Variants in BMPER observed in about 807,000 individuals in gnomAD.
BMPER encodes the protein BMP-binding endothelial regulator protein.
In BMPER, 45 loss-of-function variants were observed where a neutral mutation model predicts 87.3. That is an observed-to-expected ratio of 0.52 (90% confidence interval 0.41 to 0.66). The LOEUF (loss-of-function observed/expected upper bound fraction) is 0.66, where lower values mean the gene tolerates loss of function less well. Ranked by LOEUF, BMPER falls within the 30% of genes least tolerant of loss-of-function variation. BMPER has a pLI of 0.00. For missense variants in BMPER, 784 were observed against 867.5 expected, an observed-to-expected ratio of 0.90 and a Z score of 1.21; for synonymous variants, 326 against 316.2, an observed-to-expected ratio of 1.03 and a Z score of -0.33.
At chr7:33,939,270 C>A (rs1784688192) in intron 3 of BMPER, among the ~76,000 whole-genome samples, 1 of 152,144 alleles carries the variant, frequency 6.6e-6, no homozygotes, top group African/African-American at 2.4e-5. Context: ...TTTATCACCA[C>A]CCTTTCCTCC....
intron 6 of BMPER, among the ~76,000 whole-genome samples, chr7:33,982,175 A>C (rs1425868705): frequency 6.6e-6 from 1 of 152,152 alleles, no homozygotes; most frequent in Non-Finnish European, 1.5e-5. Context: ...CTCCTTTGAC[A>C]TGGGGACTTG....
chr7:33,911,178 G>T (rs1046586923), intron 2 of BMPER, among the ~76,000 whole-genome samples: 3 of 152,206 alleles, frequency 2.0e-5, no homozygotes, highest in Non-Finnish European at 2.9e-5. Flanking sequence ...TGTTTAGAAG[G>T]TGATGTGACC....
chr7:34,069,174 C>G (rs1050384663), intron 11 of BMPER, among the ~76,000 whole-genome samples: 6 of 152,086 alleles, frequency 3.9e-5, no homozygotes, highest in African/African-American at 1.4e-4. Context: ...GTATGTGTGA[C>G]GGAAACTCCT....
intron 11 of BMPER, among the ~76,000 whole-genome samples, chr7:34,072,562 C>T (rs1052075959): frequency 1.3e-5 from 2 of 152,110 alleles, no homozygotes; most frequent in Non-Finnish European, 2.9e-5. Context: ...GCCCATGCAC[C>T]TGCCTTCCTC....
chr7:33,905,572 G>A lies in BMPER; in HGVS notation c.-42G>A, dbSNP rs574404371. The A allele has an allele frequency of 5.0e-6, 8 of 1,605,526 alleles. No individual in the cohort carries two copies. In the South Asian group the frequency reaches 7.7e-5, roughly 16 times the overall value. ...GCTGCGGCAGCTGAGCAGAGGCGGC[G>A]GCGCGGGACCTGCAGTCGCCAGGGA... On this transcript the variant is annotated 5_prime_UTR_variant, in exon 1 of 15. Coordinates refer to ENST00000649409, the MANE Select transcript of BMPER (RefSeq NM_001365308.1).
intron 13 of BMPER, among the ~76,000 whole-genome samples, chr7:34,099,491 G>A (rs1425303842): frequency 6.6e-6 from 1 of 151,974 alleles, no homozygotes; most frequent in Non-Finnish European, 1.5e-5. Context: ...TGACAAAATT[G>A]TCAAAATTAT....
chr7:33,981,894 C>G (rs1213976653), intron 6 of BMPER, among the ~76,000 whole-genome samples: 1 of 152,158 alleles, frequency 6.6e-6, no homozygotes, highest in African/African-American at 2.4e-5. Flanking sequence ...GAAAAGTGTT[C>G]CTAAGCCTCA....
intron 4 of BMPER, 150 bp from the exon 5 acceptor site, chr7:33,970,179 C>T: frequency 1.4e-6 from 1 of 733,518 alleles, no homozygotes; most frequent in Non-Finnish European, 2.5e-6. Flanking sequence ...CTGGATCTCA[C>T]CTCGTTGGTG....
At chr7:34,109,860 T>C (rs974941327) in intron 13 of BMPER, among the ~76,000 whole-genome samples, 1 of 152,222 alleles carries the variant, frequency 6.6e-6, no homozygotes, top group African/African-American at 2.4e-5. Context: ...TACCAATGGG[T>C]TAGTTCTATT....
intron 6 of BMPER, among the ~76,000 whole-genome samples, chr7:33,983,161 C>T (rs1198787550): frequency 6.6e-6 from 1 of 152,068 alleles, no homozygotes; most frequent in African/African-American, 2.4e-5. Context: ...AATAACTGTT[C>T]TATATTTTAA....
chr7:34,061,677 G>C (rs988811107), intron 10 of BMPER, among the ~76,000 whole-genome samples: 3 of 152,180 alleles, frequency 2.0e-5, no homozygotes, highest in African/African-American at 7.2e-5. Context: ...CTAGATTTGG[G>C]TATCAATGAA....
intron 6 of BMPER, among the ~76,000 whole-genome samples, chr7:33,998,616 G>T (rs755190944): frequency 6.6e-6 from 1 of 152,158 alleles, no homozygotes; most frequent in African/African-American, 2.4e-5. Context: ...AACCTCTCCC[G>T]TTCAGTTTCA....
intron 2 of BMPER, among the ~76,000 whole-genome samples, chr7:33,918,832 A>T (rs1042581045): frequency 6.7e-6 from 1 of 149,564 alleles, no homozygotes; most frequent in Non-Finnish European, 1.5e-5. Flanking sequence ...TAGCACATAG[A>T]TGAGTACCAG....
intron 13 of BMPER, among the ~76,000 whole-genome samples, chr7:34,119,034 A>ACACACACACACACACACACG (rs1562755801): frequency 6.6e-6 from 1 of 151,296 alleles, no homozygotes; most frequent in Non-Finnish European, 1.5e-5. Flanking sequence ...ACACACACAC[A>ACACACACACACACACACACG]CACGCACTCG....
chr7:34,001,065 T>C (rs1786568019), intron 6 of BMPER, among the ~76,000 whole-genome samples: 1 of 152,082 alleles, frequency 6.6e-6, no homozygotes, highest in African/African-American at 2.4e-5. Flanking sequence ...TTATATATTG[T>C]TGTACTCAAT....
rs200214350 is a variant in BMPER, at chr7:34,024,384, A to AAT, written c.577-21873_577-21872dup. On this transcript the variant is annotated intron_variant, in intron 6 of 14. Coordinates refer to ENST00000649409, the MANE Select transcript of BMPER (RefSeq NM_001365308.1). ...AAAAAAAAAAAAAAAAAAAAAAAAC[A>AAT]ATATATATATATATATATATATATA... Among the ~76,000 whole-genome samples the AAT allele has an allele frequency of 8.1e-3, 189 of 23,374 alleles. 1 individual carries two copies. The highest frequency in any genetic ancestry group is 0.01 in the Non-Finnish European group (155 of 14,774). The allele number at this position is 23,374 out of a possible 152,430, so 15.3% of individuals were successfully genotyped here. A position where few individuals can be genotyped will look rare whatever the true frequency, so the allele number is the denominator to read the frequency against.
intron 6 of BMPER, among the ~76,000 whole-genome samples, chr7:34,042,502 A>G (rs1787857953): frequency 6.6e-6 from 1 of 152,168 alleles, no homozygotes; most frequent in Admixed American, 6.6e-5. Flanking sequence ...GCTGAAATTG[A>G]ATTTTCCTTT....
chr7:34,032,707 GT>G (rs1787560841), intron 6 of BMPER, among the ~76,000 whole-genome samples: 1 of 152,152 alleles, frequency 6.6e-6, no homozygotes, highest in Non-Finnish European at 1.5e-5. Flanking sequence ...TCATTCTCAA[GT>G]TTTAAGAATG....
At chr7:33,915,347 A>C (rs79076706) in intron 2 of BMPER, among the ~76,000 whole-genome samples, 1 of 152,232 alleles carries the variant, frequency 6.6e-6, no homozygotes, top group Admixed American at 6.5e-5. Context: ...TAAACTTTTA[A>C]GTTTGCTCTA....
Sources: gnomAD v4.1 joint callset for allele counts (sites outside exome capture counted in the v4.1 genomes callset) on GRCh38, gnomAD v4.1.1 for gene constraint, MANE v1.5 for transcripts, NCBI Gene and HGNC (gene_info 2026-07-23, HGNC 2026-07-21) for gene names.